Variants in NPEPL1 observed in about 807,000 individuals in gnomAD.
NPEPL1 encodes the protein aminopeptidase like 1, also known as probable aminopeptidase NPEPL1.
In NPEPL1, 45 loss-of-function variants were observed where a neutral mutation model predicts 52.4. The ratio of observed to expected loss-of-function variants is 0.86; its 90% confidence interval spans 0.68 to 1.10. NPEPL1 has a LOEUF of 1.10. Among genes scored for constraint, NPEPL1 ranks in the 50% least tolerant of loss-of-function variants. The probability of loss-of-function intolerance (pLI) is 0.00; values close to 1 mark genes in which losing one functional copy is unlikely to be tolerated. For missense variants in NPEPL1, 696 were observed against 710.9 expected, an observed-to-expected ratio of 0.98 and a Z score of 0.24; for synonymous variants, 360 against 314.7, an observed-to-expected ratio of 1.14 and a Z score of -1.52.
At position 58,714,023 on chromosome 20, in the gene NPEPL1, T is replaced by A. The variant is rs1289629374; in HGVS notation, c.1232T>A (p.Leu411Gln). ...AAGTGTGGGGACCTGGTGCACCCGC[T>A]GGTCTACTGCCCCGAGCTGCACTTC... ...GRKCGDLVHP[L>Q]VYCPELHFSE... Residue 411 changes from leucine (L) to glutamine (Q), a missense_variant, in exon 10 of 12, where the codon CTG (leucine) becomes CAG (glutamine). Physicochemically the swap from Leu to Gln is moderately radical, Grantham distance 113. Transcript: ENST00000356091. The A allele has an allele frequency of 1.3e-6, 2 of 1,530,492 alleles. No individual in the cohort carries two copies. Among genetic ancestry groups the A allele is most frequent in the African/African-American group, 2.8e-5 (2 of 71,528 alleles). The allele number at this position is 1,530,492 out of a possible 1,614,324, so 94.8% of individuals were successfully genotyped here. A position where few individuals can be genotyped will look rare whatever the true frequency, so the allele number is the denominator to read the frequency against.
chr20:58,707,813 C>T (rs928338865), intron 7 of NPEPL1, among the ~76,000 whole-genome samples: 1 of 152,208 alleles, frequency 6.6e-6, no homozygotes, highest in African/African-American at 2.4e-5. Flanking sequence ...GAGGCCAGCT[C>T]ATGCTGGTAA....
intron 3 of NPEPL1, among the ~76,000 whole-genome samples, chr20:58,695,704 A>T (rs2084474081): frequency 6.6e-6 from 1 of 152,128 alleles, no homozygotes; most frequent in Non-Finnish European, 1.5e-5. Context: ...CTGCCCCTCA[A>T]CCCAAATTCT....
At chr20:58,714,710 C>T (rs1363378804) in intron 11 of NPEPL1, 40 bp downstream of exon 11, 1 of 1,476,062 alleles carries the variant, frequency 6.8e-7, no homozygotes, top group Admixed American at 2.0e-5. Flanking sequence ...GCTGCTCCCG[C>T]CCGCTTGTCC....
chr20:58,692,232 T>C (rs572231519), upstream of NPEPL1: 11 of 233,016 alleles, frequency 4.7e-5, no homozygotes, highest in East Asian at 1.2e-3. The surrounding 1 kb of genome is among the most constrained non-coding windows in gnomAD (Gnocchi z 5.7). Context: ...TCCAGGGCAG[T>C]GCCTGGCAGA....
chr20:58,692,398 C>T (rs565297699), upstream of NPEPL1, among the ~76,000 whole-genome samples: 11 of 152,332 alleles, frequency 7.2e-5, no homozygotes, highest in African/African-American at 2.6e-4. The surrounding 1 kb of genome is among the most constrained non-coding windows in gnomAD (Gnocchi z 5.7). Context: ...GGCCAGGGTG[C>T]GGGGTCCCTG....
upstream of NPEPL1, chr20:58,691,993 C>G (rs2084358517): frequency 7.9e-6 from 5 of 634,344 alleles, no homozygotes; most frequent in African/African-American, 1.8e-5. Flanking sequence ...CCCCACACCC[C>G]CGATGGCCTT....
At position 58,694,583 on chromosome 20, in the gene NPEPL1, C is replaced by A. The variant is rs759723170; in HGVS notation, c.498C>A (p.Ser166=). 1.3e-5 allele frequency: 21 copies of A among 1,612,028 alleles called. No homozygotes were observed. The highest frequency in any genetic ancestry group is 3.3e-5 in the South Asian group (3 of 90,840). Reference sequence around the variant, plus strand: ...AAGACAACGGGCCGGTGGAGGTGTCCACATTGCAGGTGGGTGTCTGGAAGG... The same window carrying A: ...AAGACAACGGGCCGGTGGAGGTGTCAACATTGCAGGTGGGTGTCTGGAAGG... ...VGQDNGPVEV[S]TLQCLANATD... is the part of the protein sequence containing the mutation. Residue 166 remains serine (S), a synonymous_variant, in exon 3 of 12, where the codon TCC becomes TCA. Coordinates refer to ENST00000356091, the MANE Select transcript of NPEPL1 (RefSeq NM_024663.4).
intron 6 of NPEPL1, chr20:58,704,163 G>T (rs2084692252): frequency 1.0e-6 from 1 of 985,286 alleles, no homozygotes; most frequent in South Asian, 4.7e-5. Flanking sequence ...ACGGCCTGGT[G>T]TGAAACGCAG....
intron 7 of NPEPL1, among the ~76,000 whole-genome samples, chr20:58,710,603 G>A (rs749322732): frequency 3.3e-5 from 5 of 152,100 alleles, no homozygotes; most frequent in African/African-American, 9.7e-5. Flanking sequence ...CCACGCTGTC[G>A]CTGAAGCACT....
chr20:58,699,453 C>T (rs1474249300), intron 5 of NPEPL1, among the ~76,000 whole-genome samples, 175 bp downstream of exon 5: 1 of 152,190 alleles, frequency 6.6e-6, no homozygotes, highest in Non-Finnish European at 1.5e-5. Context: ...AGCAGCCGTC[C>T]CTGGGGGAGA....
In NPEPL1 at chr20:58,715,284, G is replaced by C. The variant is rs761541798; in HGVS notation, c.1530G>C (p.Glu510Asp). Residue 510 changes from glutamate (E) to aspartate (D), a missense_variant, in exon 12 of 12, where the codon GAG becomes GAC. Transcript: ENST00000356091. ...TGGGCTGTGAGGTGGATGTCGAGGA[G>C]GGGGACCTGGGGAGGGACTCCAAGA... ...SPLGCEVDVE[E>D]GDLGRDSKRR... 1.7e-5 allele frequency: 27 copies of C among 1,611,452 alleles called. No homozygotes were observed. The South Asian group carries it at 2.6e-4, about 16-fold the overall frequency.
upstream of NPEPL1, chr20:58,691,540 C>T (rs2084343803): frequency 1.5e-6 from 1 of 655,062 alleles, no homozygotes; most frequent in East Asian, 2.7e-5. Flanking sequence ...AGCAGACAGA[C>T]CTGGAGCCTG....
At chr20:58,694,357 G>A in intron 2 of NPEPL1, 65 bp from the exon 3 acceptor site, 1 of 1,496,176 alleles carries the variant, frequency 6.7e-7, no homozygotes, top group Non-Finnish European at 8.9e-7. Flanking sequence ...CGTTCAAAGA[G>A]CAGCTCCCTG....
At chr20:58,711,107 C>CCCCCCTCCTCCCCCTCCTCCCCCTCTCCT (rs1447421780) in intron 7 of NPEPL1, 1 of 78,048 alleles carries the variant, frequency 1.3e-5, no homozygotes. Context: ...CCTCCTCCTC[C>CCCCCCTCCTCCCCCTCCTCCCCCTCTCCT]CCCCCTCCTC....
At position 58,712,496 on chromosome 20, in the gene NPEPL1, C is replaced by G. The variant is rs746521189; in HGVS notation, c.918C>G (p.Leu306=). 54 of 1,613,400 alleles carry G rather than the reference C, an allele frequency of 3.3e-5. No homozygotes were observed. In the Admixed American group the frequency reaches 7.8e-4, roughly 23 times the overall value. ...AAIKQGFKDN[L]HAVFCLAENS... ...CCCTCCAGGGTTTCAAAGACAACCT[C>G]CACGCTGTGTTCTGCTTGGCTGAGA... The change falls in exon 8 of 12, where the codon CTC becomes CTG. Residue 306 remains leucine, a synonymous_variant. Transcript: ENST00000356091.
At chr20:58,697,069 G>A (rs2084508496) in intron 3 of NPEPL1, among the ~76,000 whole-genome samples, 1 of 152,238 alleles carries the variant, frequency 6.6e-6, no homozygotes, top group Non-Finnish European at 1.5e-5. Flanking sequence ...CTCTTCTGTA[G>A]CAGGGACTGG....
chr20:58,689,366 T>C (rs1209892971), upstream of NPEPL1, among the ~76,000 whole-genome samples: 1 of 152,152 alleles, frequency 6.6e-6, no homozygotes, highest in African/African-American at 2.4e-5. Context: ...GTTCAAGTGA[T>C]TCTCATGCCT....
In NPEPL1 at chr20:58,707,145, G is replaced by A. The variant is rs1420345457; in HGVS notation, c.845G>A (p.Arg282Gln). 17 of 1,552,446 alleles carry A rather than the reference G, an allele frequency of 1.1e-5. No homozygotes were observed. The highest frequency in any genetic ancestry group is 3.9e-5 in the Admixed American group (2 of 51,186). Residue 282 changes from arginine (R) to glutamine (Q), a missense_variant, in exon 7 of 12, where the codon CGA becomes CAA. Arg to Gln is a conservative substitution (Grantham distance 43, BLOSUM62 1). Coordinates refer to ENST00000356091, the MANE Select transcript of NPEPL1 (RefSeq NM_024663.4). ...KGKTTMPGMK[R>Q]DCGGAAAVLG... is the part of the protein sequence containing the mutation. The stretch of plus-strand genomic sequence containing the variant: ...CAGACTACCATGCCGGGGATGAAGC[G>A]AGACTGCGGGGGTGCTGCGGCCGTC...
intron 4 of NPEPL1, among the ~76,000 whole-genome samples, 186 bp downstream of exon 4, chr20:58,698,959 G>T (rs1010917474): frequency 3.9e-5 from 6 of 152,230 alleles, no homozygotes; most frequent in Non-Finnish European, 8.8e-5. Flanking sequence ...GTGTGGGGAG[G>T]ACAGAGCCTC....
Sources: allele counts gnomAD v4.1 joint callset (sites outside exome capture counted in the v4.1 genomes callset), GRCh38; gene constraint gnomAD v4.1.1; non-coding constraint Gnocchi (gnomAD v3.1); transcripts MANE v1.5; gene names NCBI Gene and HGNC (gene_info 2026-07-23, HGNC 2026-07-21).